The following DYNC2H1 variants were observed in gnomAD, a reference collection of about 807,000 sequenced individuals.
DYNC2H1 encodes dynein cytoplasmic 2 heavy chain 1.
Under a neutral mutation model 570.0 loss-of-function variants are expected in DYNC2H1, and 410 were observed. The ratio of observed to expected loss-of-function variants is 0.72; its 90% CI spans 0.66 to 0.78. The LOEUF (loss-of-function observed/expected upper bound fraction) is 0.78. Ranked by LOEUF, DYNC2H1 falls within the 30% of genes least tolerant of loss-of-function variation. The pLI is 0.00. For synonymous variants in DYNC2H1, 1,688 were observed against 1,677.6 expected (o/e 1.01, Z -0.15); for missense variants, 4,865 against 5,046.4 (o/e 0.96, Z 1.09).
At chr11:103,257,042 C>T (rs1378709882) in intron 68 of DYNC2H1, among the ~76,000 whole-genome samples, 2 of 151,996 alleles carry the variant, frequency 1.3e-5, no homozygotes, top group Admixed American at 6.6e-5. Context: ...CCTCATCACC[C>T]CCAAAATTCA....
rs530277419 is a variant in DYNC2H1 at position 103,291,903 on chromosome 11, A to C, written c.11095+4298A>C. Reference sequence around the variant, plus strand: ...TCTTTTTTGGTTTCCATTTGCATGGAATATCTTTTTCCATCTCTTCATTTT... The same window carrying C: ...TCTTTTTTGGTTTCCATTTGCATGGCATATCTTTTTCCATCTCTTCATTTT... On this transcript the variant is annotated intron_variant, in intron 75 of 88. Coordinates refer to ENST00000375735, the MANE Select transcript of DYNC2H1 (RefSeq NM_001377.3). Among the ~76,000 whole-genome samples the C allele has an allele frequency of 3.9e-5, 6 of 152,196 alleles. No homozygotes were observed. In the South Asian group the frequency reaches 1.0e-3, roughly 26 times the overall value.
chr11:103,141,579 A>G (rs1183932503), intron 17 of DYNC2H1, among the ~76,000 whole-genome samples: 5 of 152,184 alleles, frequency 3.3e-5, no homozygotes, highest in Non-Finnish European at 7.3e-5. Flanking sequence ...GTCTCAGAGG[A>G]GTACCCGGCC....
chr11:103,168,784 G>A lies in DYNC2H1; in HGVS notation c.4792G>A (p.Ala1598Thr). ...GGGCATCCTGGAGCTTAAACTTAAA[G>A]CCCTAATTCTTGACATTATCCATAA... ...ESGILELKLK[A>T]LILDIIHNID... Residue 1598 changes from alanine to threonine, a missense_variant, in exon 32 of 89, where the codon GCC (alanine) becomes ACC (threonine). Physicochemically the swap from Ala to Thr is moderately conservative, Grantham distance 58. Coordinates refer to ENST00000375735, the MANE Select transcript of DYNC2H1 (RefSeq NM_001377.3). 6.2e-7 allele frequency: 1 copy of A among 1,612,974 alleles called. No homozygotes were observed. The highest frequency in any genetic ancestry group is 8.5e-7 in the Non-Finnish European group (1 of 1,179,464).
chr11:103,297,682 A>G (rs561167846), intron 75 of DYNC2H1, among the ~76,000 whole-genome samples: 3 of 152,244 alleles, frequency 2.0e-5, no homozygotes, highest in Admixed American at 6.5e-5. Context: ...TACATGGTCC[A>G]TCGTTGATTG....
chr11:103,169,932 C>T (rs1861501137), intron 32 of DYNC2H1, among the ~76,000 whole-genome samples, 176 bp from the exon 33 acceptor site: 1 of 152,102 alleles, frequency 6.6e-6, no homozygotes, highest in Admixed American at 6.6e-5. Flanking sequence ...AGTTTGATTT[C>T]AGCTTGTGTT....
chr11:103,139,085 C>G (rs1859744420), intron 17 of DYNC2H1, among the ~76,000 whole-genome samples: 2 of 151,224 alleles, frequency 1.3e-5, no homozygotes, highest in Non-Finnish European at 3.0e-5. Context: ...TTTATTGCAT[C>G]TATTTGATTC....
intron 77 of DYNC2H1, 139 bp downstream of exon 77, chr11:103,304,859 C>A: frequency 3.1e-6 from 3 of 972,782 alleles, no homozygotes; most frequent in South Asian, 7.2e-5. Flanking sequence ...TTAAATATTT[C>A]ATAAATATGT....
chr11:103,403,048 T>A lies in DYNC2H1; in HGVS notation c.12366+3176T>A, dbSNP rs533077123. The stretch of plus-strand genomic sequence containing the variant: ...TCGAGGCAATGAAGAAAATTAGGGA[T>A]ATCAGTATTAGGGATCAGGTTTGTC... On this transcript the variant is annotated intron_variant, in intron 84 of 88. Transcript: ENST00000375735. The A allele has an allele frequency of 3.3e-5, 5 of 152,218 alleles. No homozygotes were observed. In the East Asian group the frequency reaches 9.6e-4, roughly 29 times the overall value. 9.4% of individuals were successfully genotyped at this position (152,218 alleles called of 1,614,324 possible).
intron 63 of DYNC2H1, among the ~76,000 whole-genome samples, chr11:103,237,245 T>C (rs1458173920): frequency 6.6e-6 from 1 of 152,042 alleles, no homozygotes; most frequent in African/African-American, 2.4e-5. Flanking sequence ...AGTATTCCTT[T>C]TCCTCTCAGT....
rs1944784722 is a variant in DYNC2H1, at chr11:103,456,289, C to CTG, written c.12584_12585dup (p.Asp4196TrpfsTer7). 1.2e-6 allele frequency: 2 copies of CTG among 1,608,496 alleles called. No individual in the cohort carries two copies. The highest frequency in any genetic ancestry group is 3.3e-4 in the Middle Eastern group (2 of 6,052). Reference sequence around the variant, plus strand: ...TACCTTTACAGGGCAGTGGGTCGTTCTGTGGATAGCCTTAAATTTGTAGCC... The same window carrying CTG: ...TACCTTTACAGGGCAGTGGGTCGTTCTGTGTGGATAGCCTTAAATTTGTAGCC... On this transcript the variant is annotated frameshift_variant, in exon 87 of 89. Transcript: ENST00000375735. LOFTEE classifies it high-confidence loss of function.
chr11:103,223,488 A>G (rs946626639), intron 59 of DYNC2H1, among the ~76,000 whole-genome samples: 1 of 152,112 alleles, frequency 6.6e-6, no homozygotes, highest in Non-Finnish European at 1.5e-5. Flanking sequence ...CCCAGGTTCA[A>G]GCGATTCTCC....
chr11:103,352,667 TGAAA>T (rs1338476299), intron 82 of DYNC2H1, among the ~76,000 whole-genome samples: 1 of 152,222 alleles, frequency 6.6e-6, no homozygotes, highest in Non-Finnish European at 1.5e-5. Flanking sequence ...TCTGTGTGCT[TGAAA>T]GAATGTTCTT....
chr11:103,246,637 T>A (rs1216888583), intron 65 of DYNC2H1, among the ~76,000 whole-genome samples: 1 of 152,038 alleles, frequency 6.6e-6, no homozygotes, highest in Non-Finnish European at 1.5e-5. Context: ...CTCCGCAGGG[T>A]TGGATGTATT....
At chr11:103,196,948 T>C (rs1181033994) in intron 47 of DYNC2H1, among the ~76,000 whole-genome samples, 2 of 152,222 alleles carry the variant, frequency 1.3e-5, no homozygotes, top group Non-Finnish European at 2.9e-5. Flanking sequence ...GTTGTTTTTT[T>C]AGGGGAGTTT....
Position 103,195,210 on chromosome 11 carries a change from A to T in DYNC2H1, c.7709-2723A>T, listed in dbSNP as rs535310033. ...TAACCTATCATTTTTCATCGTAAGG[A>T]TCTGTTGATGTCAAGTTTAAGGAGT... On this transcript the variant is annotated intron_variant, in intron 47 of 88. Coordinates refer to ENST00000375735, the MANE Select transcript of DYNC2H1 (RefSeq NM_001377.3). 2.6e-5 allele frequency among the ~76,000 whole-genome samples: 4 copies of T among 152,250 alleles called. No individual in the cohort carries two copies. In the South Asian group the frequency reaches 8.3e-4, roughly 32 times the overall value.
intron 80 of DYNC2H1, among the ~76,000 whole-genome samples, chr11:103,316,887 G>A (rs567287629): frequency 6.6e-6 from 1 of 152,114 alleles, no homozygotes; most frequent in African/African-American, 2.4e-5. Flanking sequence ...GGCACTAACT[G>A]AATTTTTCAG....
At chr11:103,335,091 T>C (rs945806009) in intron 82 of DYNC2H1, among the ~76,000 whole-genome samples, 31 of 152,050 alleles carry the variant, frequency 2.0e-4, no homozygotes, top group African/African-American at 7.2e-4. Flanking sequence ...CTTCAAGAGG[T>C]ATTTTTCAAT....
In DYNC2H1 at chr11:103,156,365, C is replaced by T. The variant is rs769031750; in HGVS notation, c.3745-23C>T. ...TGAAAATTAATGTTGAAGTAATAAA[C>T]ATGGATATTTTGTGTTAAATAGGAT... is the stretch of plus-strand genomic sequence containing the variant. On this transcript the variant is annotated intron_variant, in intron 25 of 88. Coordinates refer to ENST00000375735, the MANE Select transcript of DYNC2H1 (RefSeq NM_001377.3). 4 of 1,588,206 alleles carry T rather than the reference C, an allele frequency of 2.5e-6. No individual in the cohort carries two copies. In the Admixed American group the frequency reaches 7.4e-5, roughly 29 times the overall value.
At chr11:103,149,532 A>T (rs557064879) in intron 20 of DYNC2H1, among the ~76,000 whole-genome samples, 1 of 152,234 alleles carries the variant, frequency 6.6e-6, no homozygotes, top group Non-Finnish European at 1.5e-5. Flanking sequence ...AGTGGAAAGA[A>T]TTACAGACTT....
Sources: allele counts gnomAD v4.1 joint callset (sites outside exome capture counted in the v4.1 genomes callset), GRCh38; gene constraint gnomAD v4.1.1; transcripts MANE v1.5; gene names NCBI Gene and HGNC (gene_info 2026-07-23, HGNC 2026-07-21).